The following PTPRN2 variants were observed in gnomAD, a reference collection of about 807,000 sequenced individuals.
PTPRN2 encodes protein tyrosine phosphatase receptor type N2, also known as receptor-type tyrosine-protein phosphatase N2.
PTPRN2 carries 74 observed loss-of-function variants against 118.8 expected under a neutral mutation model. The observed-to-expected ratio is 0.62, with a 90% CI of 0.52 to 0.76. The LOEUF (loss-of-function observed/expected upper bound fraction) is 0.76, where lower values mean the gene tolerates loss of function less well. PTPRN2 is among the 30% of genes least tolerant of loss of function. The pLI, the probability that PTPRN2 is intolerant of heterozygous loss-of-function variation, is 0.00. For synonymous variants in PTPRN2, 641 were observed against 608.0 expected (o/e 1.05, Z -0.80); for missense variants, 1,481 against 1,394.4 (o/e 1.06, Z -0.99).
chr7:157,837,733 G>A (rs776671303), intron 12 of PTPRN2, among the ~76,000 whole-genome samples: 3 of 152,136 alleles, frequency 2.0e-5, no homozygotes, highest in African/African-American at 4.8e-5. Context: ...GCCTCCACAG[G>A]GCAGGACTCA....
At chr7:157,702,042 C>G (rs1478388796) in intron 12 of PTPRN2, among the ~76,000 whole-genome samples, 12 of 115,724 alleles carry the variant, frequency 1.0e-4, no homozygotes, top group South Asian at 3.0e-4. Flanking sequence ...TAAGAAAGCC[C>G]GGTCGGTGCT....
chr7:158,307,593 C>T (rs1348066583), intron 3 of PTPRN2, among the ~76,000 whole-genome samples: 4 of 152,066 alleles, frequency 2.6e-5, no homozygotes, highest in South Asian at 4.1e-4. Context: ...TCAATGAACT[C>T]CAAGTAGAAT....
chr7:158,080,186 G>A (rs1010101692), intron 11 of PTPRN2, among the ~76,000 whole-genome samples: 1 of 151,796 alleles, frequency 6.6e-6, no homozygotes, highest in African/African-American at 2.4e-5. Context: ...ACTGGAAAAA[G>A]AAACTTCAAG....
intron 2 of PTPRN2, among the ~76,000 whole-genome samples, chr7:158,336,715 C>G (rs1805624404): frequency 8.0e-6 from 1 of 125,542 alleles, no homozygotes; most frequent in Admixed American, 8.0e-5. Context: ...CACCCACACT[C>G]TCACCAAAAG....
At chr7:158,194,364 A>G (rs112237036) in intron 4 of PTPRN2, among the ~76,000 whole-genome samples, 1 of 152,224 alleles carries the variant, frequency 6.6e-6, no homozygotes, top group Non-Finnish European at 1.5e-5. Context: ...TCACCATTAA[A>G]AAGATGGGCC....
intron 9 of PTPRN2, among the ~76,000 whole-genome samples, chr7:158,132,603 A>G (rs111219541): frequency 5.0e-5 from 1 of 20,114 alleles, no homozygotes; most frequent in Non-Finnish European, 8.1e-5. Flanking sequence ...GCACAGATAC[A>G]TGTCTACCCA....
chr7:158,548,781 C>A lies in PTPRN2; in HGVS notation c.112+38777G>T, dbSNP rs550761272. Among the ~76,000 whole-genome samples, 3 of 152,348 alleles carry A rather than the reference C, an allele frequency of 2.0e-5. No homozygotes were observed. In the South Asian group the frequency reaches 6.2e-4, roughly 32 times the overall value. ...GGACCAGCGTGAACCCAGGCGGCCT[C>A]TAGAGGGGAGGCAGGAGCCGCCCTG... On this transcript the variant is annotated intron_variant, in intron 1 of 22. Coordinates refer to ENST00000389418, the MANE Select transcript of PTPRN2 (RefSeq NM_002847.5).
chr7:157,853,951 G>A lies in PTPRN2; in HGVS notation c.1788+44722C>T, dbSNP rs1025857724. ...ACGGGGCAGCCACAGGGAACACCGC[G>A]TGAAGACGGAGACGGCACCCACAAG... is the stretch of plus-strand genomic sequence containing the variant. On this transcript the variant is annotated intron_variant, in intron 12 of 22. Transcript: ENST00000389418. 2.6e-5 allele frequency among the ~76,000 whole-genome samples: 4 copies of A among 152,194 alleles called. No homozygotes were observed. In the South Asian group the frequency reaches 8.3e-4, roughly 32 times the overall value.
At chr7:158,470,393 C>G (rs1819767567) in intron 2 of PTPRN2, among the ~76,000 whole-genome samples, 1 of 152,144 alleles carries the variant, frequency 6.6e-6, no homozygotes, top group Non-Finnish European at 1.5e-5. Flanking sequence ...GAACTTCTCC[C>G]GGTGGGTGCT....
chr7:157,575,754 C>A (rs1800004731), intron 19 of PTPRN2, among the ~76,000 whole-genome samples: 1 of 152,200 alleles, frequency 6.6e-6, no homozygotes, highest in Non-Finnish European at 1.5e-5. Flanking sequence ...TGGGGCATGG[C>A]ATTGGATTCA....
chr7:158,545,808 G>T (rs879808213), intron 1 of PTPRN2, among the ~76,000 whole-genome samples: 14 of 152,130 alleles, frequency 9.2e-5, no homozygotes, highest in Non-Finnish European at 2.1e-4. Context: ...AGACCGGTCT[G>T]GCCAACACGG....
At chr7:158,233,848 G>C (rs1829334750) in intron 3 of PTPRN2, among the ~76,000 whole-genome samples, 1 of 152,114 alleles carries the variant, frequency 6.6e-6, no homozygotes, top group Non-Finnish European at 1.5e-5. Flanking sequence ...TTTCACAAAG[G>C]CACCAAGAGC....
chr7:158,105,445 C>T (rs1421223769), intron 10 of PTPRN2, among the ~76,000 whole-genome samples: 2 of 151,410 alleles, frequency 1.3e-5, no homozygotes, highest in African/African-American at 2.4e-5. Flanking sequence ...CACTGAGCTC[C>T]ATCAAACTCC....
intron 3 of PTPRN2, among the ~76,000 whole-genome samples, chr7:158,238,195 C>T (rs1795659817): frequency 6.6e-6 from 1 of 152,088 alleles, no homozygotes; most frequent in Admixed American, 6.5e-5. Context: ...GGAGGAAAGG[C>T]CAGAGGGTCC....
intron 9 of PTPRN2, among the ~76,000 whole-genome samples, chr7:158,122,105 T>C (rs902471551): frequency 6.6e-6 from 1 of 152,202 alleles, no homozygotes; most frequent in Non-Finnish European, 1.5e-5. Context: ...CCTCAATACC[T>C]GGACACTAAT....
intron 2 of PTPRN2, among the ~76,000 whole-genome samples, chr7:158,355,765 A>G (rs1054028355): frequency 1.3e-5 from 2 of 152,238 alleles, no homozygotes; most frequent in Non-Finnish European, 2.9e-5. Flanking sequence ...AGCCAGCCTG[A>G]AGGAAGCATC....
At chr7:157,684,058 C>G (rs367908017) in intron 12 of PTPRN2, among the ~76,000 whole-genome samples, 2 of 152,224 alleles carry the variant, frequency 1.3e-5, no homozygotes, top group East Asian at 1.9e-4. Flanking sequence ...TCTTCATTTC[C>G]TCCCGTCTCC....
chr7:158,254,961 G>A (rs1228927089), intron 3 of PTPRN2, among the ~76,000 whole-genome samples: 1 of 152,254 alleles, frequency 6.6e-6, no homozygotes. Flanking sequence ...CATGGCCCAG[G>A]CCCAGGAAGA....
chr7:158,440,731 A>ATTGG (rs1285252883), intron 2 of PTPRN2, among the ~76,000 whole-genome samples: 3 of 135,844 alleles, frequency 2.2e-5, no homozygotes, highest in African/African-American at 8.7e-5. Context: ...GGTGGTGGTG[A>ATTGG]TGATGACAGT....
Sources: allele counts gnomAD v4.1 joint callset (sites outside exome capture counted in the v4.1 genomes callset), GRCh38; gene constraint gnomAD v4.1.1; transcripts MANE v1.5; gene names NCBI Gene and HGNC (gene_info 2026-07-23, HGNC 2026-07-21).